ESRRG: variants seen among roughly 807,000 people sequenced by gnomAD.
ESRRG encodes estrogen-related receptor gamma.
A neutral mutation model predicts 44.0 loss-of-function variants in ESRRG; 13 were observed. The ratio of observed to expected loss-of-function variants is 0.30; its 90% confidence interval spans 0.19 to 0.47. ESRRG has a LOEUF of 0.47. Among genes scored for constraint, ESRRG ranks in the 20% least tolerant of loss-of-function variants. The pLI, the probability that ESRRG is intolerant of heterozygous loss-of-function variation, is 1.00. For missense variants in ESRRG, 395 were observed against 580.6 expected (o/e 0.68, Z 3.29); for synonymous variants, 215 against 214.6 (o/e 1.00, Z -0.02).
intron 2 of ESRRG, among the ~76,000 whole-genome samples, chr1:216,786,600 T>C (rs1430301211): frequency 2.6e-5 from 4 of 152,132 alleles, no homozygotes; most frequent in African/African-American, 7.2e-5. Flanking sequence ...AAGCCACATA[T>C]AGTCCAAAAA....
At chr1:217,011,784 C>G (rs2078656837) in intron 1 of ESRRG, among the ~76,000 whole-genome samples, 2 of 152,166 alleles carry the variant, frequency 1.3e-5, no homozygotes, top group Admixed American at 6.5e-5. Context: ...GATTGCCTTC[C>G]TCCTCTTGTG....
In ESRRG at chr1:216,990,072, C is replaced by CA. The variant is rs200826920; in HGVS notation, c.-105-50400dup. On this transcript the variant is annotated intron_variant, in intron 1 of 7. Coordinates refer to the ESRRG transcript ENST00000359162. The stretch of plus-strand genomic sequence containing the variant: ...GTTATACCCAACAATTCTTTAGAGT[C>CA]AAAAAAAAATTGTCTGAACTCACAA... 1.9e-3 allele frequency among the ~76,000 whole-genome samples: 294 copies of CA among 150,924 alleles called. 3 individuals carry two copies. The highest frequency in any genetic ancestry group is 6.6e-3 in the African/African-American group (272 of 41,154).
intron 1 of ESRRG, among the ~76,000 whole-genome samples, chr1:216,983,681 T>C (rs958629396): frequency 1.7e-5 from 1 of 59,778 alleles, no homozygotes; most frequent in Non-Finnish European, 2.8e-5. Context: ...TTCGCGTGCA[T>C]GTGCATGTGT....
chr1:216,878,255 T>C (rs2096388228), intron 2 of ESRRG, among the ~76,000 whole-genome samples: 1 of 152,210 alleles, frequency 6.6e-6, no homozygotes, highest in South Asian at 2.1e-4. Context: ...TTTGCCTACC[T>C]TTTAAACTGA....
chr1:216,540,482 A>G (rs1166054802), intron 5 of ESRRG, among the ~76,000 whole-genome samples: 1 of 152,054 alleles, frequency 6.6e-6, no homozygotes, highest in Non-Finnish European at 1.5e-5. Flanking sequence ...TATTCATTAA[A>G]TGTACCAACT....
At chr1:216,911,493 C>G (rs761548445) in intron 2 of ESRRG, among the ~76,000 whole-genome samples, 1 of 152,118 alleles carries the variant, frequency 6.6e-6, no homozygotes, top group Non-Finnish European at 1.5e-5. Flanking sequence ...AGTGAAACTA[C>G]TCTGTATAAT....
chr1:216,594,086 A>G (rs180906424), intron 3 of ESRRG, among the ~76,000 whole-genome samples: 3 of 152,270 alleles, frequency 2.0e-5, no homozygotes, highest in East Asian at 1.9e-4. Flanking sequence ...TGGCATAAAG[A>G]AGCAATTGTG....
chr1:216,916,331 A>G (rs935931455), intron 2 of ESRRG, among the ~76,000 whole-genome samples: 1 of 152,206 alleles, frequency 6.6e-6, no homozygotes, highest in Non-Finnish European at 1.5e-5. Flanking sequence ...GTCACCGTTC[A>G]TCATGCCCCG....
intron 1 of ESRRG, among the ~76,000 whole-genome samples, chr1:216,718,273 GC>G (rs1233457872): frequency 6.6e-6 from 1 of 151,784 alleles, no homozygotes; most frequent in Non-Finnish European, 1.5e-5. Context: ...AATACTTTTA[GC>G]AGCATACCTA....
upstream of ESRRG, among the ~76,000 whole-genome samples, chr1:217,094,331 C>T (rs546117060): frequency 6.6e-6 from 1 of 152,314 alleles, no homozygotes; most frequent in East Asian, 1.9e-4. Context: ...TGGATCCAAC[C>T]TATTTTGCCT....
intron 2 of ESRRG, among the ~76,000 whole-genome samples, chr1:216,924,730 T>TA (rs1233497361): frequency 1.3e-5 from 2 of 152,154 alleles, no homozygotes; most frequent in Non-Finnish European, 2.9e-5. Context: ...TTGTTATTGA[T>TA]AGAGTTTGCA....
At chr1:216,779,249 ATTTAT>A (rs2093760868) in intron 2 of ESRRG, among the ~76,000 whole-genome samples, 1 of 81,962 alleles carries the variant, frequency 1.2e-5, no homozygotes, top group Non-Finnish European at 2.0e-5. Flanking sequence ...ATATATTTAT[ATTTAT>A]AAATATAAAT....
chr1:217,124,072 G>T (rs1191356497), intron 1 of ESRRG, among the ~76,000 whole-genome samples: 1 of 152,104 alleles, frequency 6.6e-6, no homozygotes, highest in East Asian at 1.9e-4. Flanking sequence ...CCAGATGTTG[G>T]TTTGATATAA....
At chr1:216,538,783 A>G (rs905531647) in intron 5 of ESRRG, among the ~76,000 whole-genome samples, 1 of 152,066 alleles carries the variant, frequency 6.6e-6, no homozygotes, top group African/African-American at 2.4e-5. Context: ...GTAACTCTGA[A>G]AAGTTAAATG....
Position 217,041,564 on chromosome 1 carries a change from T to C in ESRRG, c.-106+47943A>G, listed in dbSNP as rs979399402. On this transcript the variant is annotated intron_variant, in intron 1 of 7. Coordinates refer to the ESRRG transcript ENST00000359162. ...AGAAGCTAGCTATGCCCAAGTTAGA[T>C]TTAAGGAGTACATTTTCCATCTTTT... Among the ~76,000 whole-genome samples the C allele has an allele frequency of 2.0e-5, 3 of 152,200 alleles. No individual in the cohort carries two copies. In the East Asian group the frequency reaches 5.8e-4, roughly 29 times the overall value.
At chr1:217,046,247 C>T (rs906440826) in intron 1 of ESRRG, among the ~76,000 whole-genome samples, 1 of 151,844 alleles carries the variant, frequency 6.6e-6, no homozygotes, top group Non-Finnish European at 1.5e-5. Context: ...GAGATACTTC[C>T]TAACTTTTAA....
intron 3 of ESRRG, among the ~76,000 whole-genome samples, chr1:216,609,092 C>G (rs955051013): frequency 2.0e-5 from 3 of 152,146 alleles, no homozygotes; most frequent in Non-Finnish European, 4.4e-5. Flanking sequence ...AAAATTAGTA[C>G]GTTGTAATGT....
chr1:217,129,226 G>A (rs886354435), intron 1 of ESRRG, among the ~76,000 whole-genome samples: 14 of 152,136 alleles, frequency 9.2e-5, no homozygotes, highest in African/African-American at 2.7e-4. Flanking sequence ...TGGTCAATAA[G>A]CACATGAAAA....
intron 2 of ESRRG, among the ~76,000 whole-genome samples, chr1:216,835,656 G>A (rs1183098997): frequency 3.3e-5 from 5 of 152,208 alleles, no homozygotes; most frequent in Non-Finnish European, 5.9e-5. Flanking sequence ...CACCAGAGGT[G>A]AGAGAGGAGA....
Sources: allele counts gnomAD v4.1 joint callset (sites outside exome capture counted in the v4.1 genomes callset), GRCh38; gene constraint gnomAD v4.1.1; transcripts MANE v1.5; gene names NCBI Gene and HGNC (gene_info 2026-07-23, HGNC 2026-07-21).